Variants in PTPRG observed in about 807,000 individuals in gnomAD.
The protein encoded by PTPRG is receptor-type tyrosine-protein phosphatase gamma.
Under a neutral mutation model 165.3 loss-of-function variants are expected in PTPRG, and 102 were observed. The observed-to-expected ratio is 0.62, with a 90% CI of 0.53 to 0.73. PTPRG has a LOEUF of 0.73. Among genes scored for constraint, PTPRG ranks in the 30% least tolerant of loss-of-function variants. The pLI is 0.00. For missense variants in PTPRG, 1,866 were observed against 1,861.4 expected (o/e 1.00, Z -0.05); for synonymous variants, 675 against 669.5 (o/e 1.01, Z -0.13).
intron 1 of PTPRG, among the ~76,000 whole-genome samples, chr3:61,606,340 G>A (rs906055833): frequency 1.3e-5 from 2 of 152,156 alleles, no homozygotes; most frequent in Admixed American, 6.5e-5. Context: ...ACAAGGTGGT[G>A]GGGGTGCGGG....
intron 24 of PTPRG, 119 bp from the exon 25 acceptor site, chr3:62,276,853 A>G (rs766079108): frequency 4.5e-5 from 32 of 716,230 alleles, no homozygotes; most frequent in Non-Finnish European, 7.5e-5. Context: ...AAATATAGAT[A>G]AGTCTTAGAA....
chr3:61,770,474 G>A (rs1333949892), intron 2 of PTPRG: 1 of 152,094 alleles, frequency 6.6e-6, no homozygotes, highest in East Asian at 1.9e-4. Context: ...TGGTGCAAAA[G>A]TAATTGCAAT....
intron 1 of PTPRG, among the ~76,000 whole-genome samples, chr3:61,696,189 C>G (rs962609684): frequency 2.0e-5 from 3 of 152,018 alleles, no homozygotes; most frequent in African/African-American, 7.2e-5. Context: ...CAAATTGATA[C>G]GAGTACATAT....
chr3:61,922,970 A>C (rs1258189402), intron 2 of PTPRG, among the ~76,000 whole-genome samples: 1 of 152,120 alleles, frequency 6.6e-6, no homozygotes, highest in African/African-American at 2.4e-5. Context: ...CATTATTTCT[A>C]TCCTGCTCTA....
At chr3:62,246,773 A>G (rs1701297359) in intron 15 of PTPRG, among the ~76,000 whole-genome samples, 1 of 152,154 alleles carries the variant, frequency 6.6e-6, no homozygotes, top group African/African-American at 2.4e-5. Context: ...TATTTATTCT[A>G]CCCATTCAAT....
At chr3:62,258,002 T>C (rs1701583354) in intron 16 of PTPRG, among the ~76,000 whole-genome samples, 1 of 151,942 alleles carries the variant, frequency 6.6e-6, no homozygotes, top group Non-Finnish European at 1.5e-5. Flanking sequence ...TGTCCTGTAA[T>C]GAGCCAAGGT....
At chr3:61,607,876 C>T (rs1242561134) in intron 1 of PTPRG, among the ~76,000 whole-genome samples, 4 of 152,192 alleles carry the variant, frequency 2.6e-5, no homozygotes, top group Non-Finnish European at 5.9e-5. Context: ...CGACTTGCCT[C>T]TTCTCCAGGC....
chr3:61,999,051 T>C (rs1438101312), intron 3 of PTPRG, among the ~76,000 whole-genome samples: 2 of 152,072 alleles, frequency 1.3e-5, no homozygotes, highest in African/African-American at 4.8e-5. Context: ...GAGGCCTCTT[T>C]TTTTCTTTTT....
chr3:62,224,591 A>G lies in PTPRG; in HGVS notation c.2288+5608A>G, dbSNP rs1402464737. On this transcript the variant is annotated intron_variant, in intron 13 of 29. Coordinates refer to ENST00000474889, the MANE Select transcript of PTPRG (RefSeq NM_002841.4). This position sits in a 1 kb window ranked among gnomAD's most constrained non-coding sequence, Gnocchi z 4.9. ...TTCTTAAATATTTAAACCCATTGGTATCATTGAATTATGTATATGTTTCCT... is the reference window on the plus strand; with the variant it reads ...TTCTTAAATATTTAAACCCATTGGTGTCATTGAATTATGTATATGTTTCCT... Among the ~76,000 whole-genome samples the G allele has an allele frequency of 6.6e-6, 1 of 152,224 alleles. No homozygotes were observed. The highest frequency in any genetic ancestry group is 1.9e-4 in the East Asian group (1 of 5,192).
intron 5 of PTPRG, among the ~76,000 whole-genome samples, chr3:62,112,074 T>A (rs1482584848): frequency 1.3e-5 from 2 of 152,066 alleles, no homozygotes; most frequent in Non-Finnish European, 2.9e-5. Flanking sequence ...GGCCCCAGGT[T>A]GAAGCCCAGT....
chr3:62,066,217 A>G (rs1039271062), intron 4 of PTPRG, among the ~76,000 whole-genome samples: 2 of 152,238 alleles, frequency 1.3e-5, no homozygotes, highest in African/African-American at 4.8e-5. Context: ...GGAAAATACA[A>G]TATCAGAAAT....
intron 7 of PTPRG, among the ~76,000 whole-genome samples, chr3:62,159,649 G>A (rs886157061): frequency 6.6e-6 from 1 of 151,822 alleles, no homozygotes; most frequent in African/African-American, 2.4e-5. Flanking sequence ...AAGAAATAAT[G>A]TAAGATTTGT....
At position 62,191,626 on chromosome 3, in the gene PTPRG, G is replaced by T. The variant is rs752062365; in HGVS notation, c.1191G>T (p.Thr397=). ...WTKNEDEKEK[T]FTKDSDKDLK... is the part of the protein sequence containing the mutation. The stretch of plus-strand genomic sequence containing the variant: ...AGAATGAGGACGAGAAGGAGAAGAC[G>T]TTTACAAAGGACAGCGACAAAGACT... The change falls in exon 9 of 30, where the codon ACG becomes ACT. Residue 397 remains threonine (T), a synonymous_variant. Transcript: ENST00000474889. The T allele has an allele frequency of 2.5e-6, 4 of 1,614,050 alleles. No individual in the cohort carries two copies. The African/African-American group carries it at 5.3e-5, about 22-fold the overall frequency.
intron 2 of PTPRG, among the ~76,000 whole-genome samples, chr3:61,778,028 C>T (rs190876088): frequency 1.3e-5 from 2 of 152,258 alleles, no homozygotes; most frequent in Admixed American, 1.3e-4. Context: ...TAACAGGATA[C>T]TTGGAGGCCT....
intron 2 of PTPRG, among the ~76,000 whole-genome samples, chr3:61,878,296 T>G (rs532021872): frequency 1.3e-5 from 2 of 152,346 alleles, no homozygotes; most frequent in African/African-American, 4.8e-5. Flanking sequence ...ATAGTAAATA[T>G]GAGCTGGAAG....
intron 2 of PTPRG, among the ~76,000 whole-genome samples, chr3:61,906,260 C>A (rs2038648219): frequency 6.6e-6 from 1 of 150,668 alleles, no homozygotes; most frequent in Non-Finnish European, 1.5e-5. Context: ...CAAGACCAGT[C>A]TGGCCAACAT....
intron 2 of PTPRG, among the ~76,000 whole-genome samples, chr3:61,936,611 G>T (rs1229675970): frequency 6.6e-6 from 1 of 152,186 alleles, no homozygotes; most frequent in Admixed American, 6.5e-5. Context: ...TGTGTGTTGA[G>T]ATGGGCTAAT....
chr3:61,632,448 G>A (rs949465760), intron 1 of PTPRG, among the ~76,000 whole-genome samples: 2 of 152,226 alleles, frequency 1.3e-5, no homozygotes, highest in African/African-American at 4.8e-5. Flanking sequence ...TGTTTCTAGA[G>A]AAAGAAATCA....
chr3:61,854,403 G>A (rs2037045899), intron 2 of PTPRG, among the ~76,000 whole-genome samples: 1 of 152,138 alleles, frequency 6.6e-6, no homozygotes, highest in Non-Finnish European at 1.5e-5. Flanking sequence ...AGGGAAGACA[G>A]GTAAAGTACC....
Sources: allele counts gnomAD v4.1 joint callset (sites outside exome capture counted in the v4.1 genomes callset), GRCh38; gene constraint gnomAD v4.1.1; non-coding constraint Gnocchi (gnomAD v3.1); transcripts MANE v1.5; gene names NCBI Gene and HGNC (gene_info 2026-07-23, HGNC 2026-07-21).